The following AHCYL2 variants were observed in gnomAD, a reference collection of about 807,000 sequenced individuals.
AHCYL2 encodes the protein adenosylhomocysteinase like 2, also known as S-adenosylhomocysteine hydrolase-like protein 2.
A neutral mutation model predicts 81.4 loss-of-function variants in AHCYL2; 28 were observed. The ratio of observed to expected loss-of-function variants is 0.34; its 90% CI spans 0.25 to 0.47. AHCYL2 has a LOEUF of 0.47. Among genes scored for constraint, AHCYL2 ranks in the 20% least tolerant of loss-of-function variants. The probability of loss-of-function intolerance (pLI) is 1.00; values close to 1 mark genes in which losing one functional copy is unlikely to be tolerated. For missense variants in AHCYL2, 551 were observed against 785.1 expected (o/e 0.70, Z 3.56); for synonymous variants, 272 against 290.2 (o/e 0.94, Z 0.64).
intron 1 of AHCYL2, among the ~76,000 whole-genome samples, chr7:129,278,763 C>CTT (rs36037913): frequency 0.03 from 3,339 of 111,296 alleles, 147 homozygotes; most frequent in Admixed American, 0.053. Context: ...TATTGAAGCT[C>CTT]TTTTTTTTTT....
At chr7:129,390,161 G>A (rs1178357856) in intron 4 of AHCYL2, among the ~76,000 whole-genome samples, 1 of 152,174 alleles carries the variant, frequency 6.6e-6, no homozygotes, top group African/African-American at 2.4e-5. Context: ...TCTGCTTCCT[G>A]AGGATTTGAC....
At chr7:129,315,457 T>G (rs1027221937) in intron 1 of AHCYL2, among the ~76,000 whole-genome samples, 6 of 152,176 alleles carry the variant, frequency 3.9e-5, no homozygotes, top group Non-Finnish European at 4.4e-5. Context: ...CTGCCTTTGC[T>G]CTGGAATTTC....
intron 6 of AHCYL2, among the ~76,000 whole-genome samples, chr7:129,402,485 G>A (rs561541698): frequency 6.6e-6 from 1 of 152,274 alleles, no homozygotes; most frequent in African/African-American, 2.4e-5. Flanking sequence ...AGTTCTGTGG[G>A]ACTTTCCAGG....
At chr7:129,266,313 G>T (rs1430074838) in intron 1 of AHCYL2, among the ~76,000 whole-genome samples, 1 of 152,244 alleles carries the variant, frequency 6.6e-6, no homozygotes, top group African/African-American at 2.4e-5. Context: ...TGGATGAGAA[G>T]GAGGGAGGGG....
chr7:129,345,054 T>C (rs1415718255), intron 1 of AHCYL2, among the ~76,000 whole-genome samples: 1 of 151,766 alleles, frequency 6.6e-6, no homozygotes, highest in African/African-American at 2.4e-5. Flanking sequence ...ACTCGGGAGG[T>C]TGAGGCAGGA....
intron 1 of AHCYL2, chr7:129,375,662 A>G (rs1794646268): frequency 1.4e-6 from 2 of 1,379,494 alleles, no homozygotes; most frequent in African/African-American, 1.5e-5. Context: ...TGAGCCACTA[A>G]CAGAAATGCC....
intron 1 of AHCYL2, among the ~76,000 whole-genome samples, chr7:129,243,223 C>T (rs528257596): frequency 4.6e-5 from 7 of 151,772 alleles, no homozygotes; most frequent in Admixed American, 1.3e-4. Context: ...TGGGGTTTCA[C>T]CATCTTGGCC....
chr7:129,376,705 C>T (rs1169080560), intron 1 of AHCYL2, among the ~76,000 whole-genome samples: 3 of 152,196 alleles, frequency 2.0e-5, no homozygotes, highest in Non-Finnish European at 4.4e-5. Context: ...TGCATATGCA[C>T]CCACATGTAC....
chr7:129,386,418 G>A (rs1478017521), intron 2 of AHCYL2, among the ~76,000 whole-genome samples: 1 of 151,654 alleles, frequency 6.6e-6, no homozygotes, highest in Admixed American at 6.6e-5. Context: ...AGCTGAGATC[G>A]TGCTACTGTG....
intron 1 of AHCYL2, among the ~76,000 whole-genome samples, chr7:129,337,238 A>G (rs1378868994): frequency 2.0e-5 from 3 of 152,120 alleles, no homozygotes; most frequent in Non-Finnish European, 4.4e-5. Context: ...CTATGCATAT[A>G]CAAACTTACT....
chr7:129,339,246 G>A (rs867738874), intron 1 of AHCYL2, among the ~76,000 whole-genome samples: 5 of 152,228 alleles, frequency 3.3e-5, no homozygotes, highest in Non-Finnish European at 5.9e-5. Flanking sequence ...ACACTCATAC[G>A]TTCATGGTGG....
intron 1 of AHCYL2, among the ~76,000 whole-genome samples, chr7:129,286,584 C>CCA (rs1747619586): frequency 6.6e-6 from 1 of 152,160 alleles, no homozygotes; most frequent in Non-Finnish European, 1.5e-5. Flanking sequence ...CCTCAGCCTC[C>CCA]CGAGTAGCTG....
rs1794158188 is a variant in AHCYL2 at position 129,225,132 on chromosome 7, TG to T, written c.57del (p.Lys20ArgfsTer3). On this transcript the variant is annotated frameshift_variant, in exon 1 of 17. Transcript: ENST00000325006. LOFTEE classifies it high-confidence loss of function. ...GCCGCCAAGGTGCCTGAGGTGGAGCTGAAGGACCTGAGCCCCTCCGAGGCGG... is the reference window on the plus strand; with the variant it reads ...GCCGCCAAGGTGCCTGAGGTGGAGCTAAGGACCTGAGCCCCTCCGAGGCGG... ...AAAAKVPEVELKDLSPSEAES... is the reference protein window; with the variant it reads ...AAAAKVPEVEXKDLSPSEAES... The T allele has an allele frequency of 6.2e-7, 1 of 1,602,234 alleles. No homozygotes were observed. The highest frequency in any genetic ancestry group is 1.3e-5 in the African/African-American group (1 of 74,574).
intron 1 of AHCYL2, among the ~76,000 whole-genome samples, chr7:129,331,178 G>A (rs1326676298): frequency 6.6e-6 from 1 of 152,146 alleles, no homozygotes; most frequent in Admixed American, 6.5e-5. Flanking sequence ...ATAAAACTCT[G>A]TGCGGATGAA....
At chr7:129,250,773 TTA>T (rs573020817) in intron 1 of AHCYL2, among the ~76,000 whole-genome samples, 119 of 152,340 alleles carry the variant, frequency 7.8e-4, no homozygotes, top group Non-Finnish European at 1.3e-3. Flanking sequence ...CTCTTGACAT[TTA>T]TATGTCTCTT....
intron 1 of AHCYL2, among the ~76,000 whole-genome samples, chr7:129,290,308 C>G (rs902197582): frequency 2.6e-5 from 4 of 151,728 alleles, no homozygotes; most frequent in Admixed American, 2.0e-4. Context: ...TGAGACCATT[C>G]TGGCCAACAT....
At chr7:129,394,816 C>T (rs953596629) in intron 4 of AHCYL2, among the ~76,000 whole-genome samples, 2 of 152,184 alleles carry the variant, frequency 1.3e-5, no homozygotes, top group African/African-American at 2.4e-5. Flanking sequence ...GTCTATCTTT[C>T]TCAACTAGAT....
intron 6 of AHCYL2, among the ~76,000 whole-genome samples, chr7:129,401,456 G>A (rs1401089809): frequency 6.6e-6 from 1 of 152,174 alleles, no homozygotes; most frequent in East Asian, 1.9e-4. Context: ...AAGAATCCCT[G>A]AAGCTCTAGT....
chr7:129,361,710 AC>A (rs1318087987), intron 1 of AHCYL2, among the ~76,000 whole-genome samples: 1 of 151,932 alleles, frequency 6.6e-6, no homozygotes, highest in Non-Finnish European at 1.5e-5. Context: ...GATCATTGTA[AC>A]TTCAAACTCT....
Sources: allele counts gnomAD v4.1 joint callset (sites outside exome capture counted in the v4.1 genomes callset), GRCh38; gene constraint gnomAD v4.1.1; transcripts MANE v1.5; gene names NCBI Gene and HGNC (gene_info 2026-07-23, HGNC 2026-07-21).